Variants in BEND5 observed in about 807,000 individuals in gnomAD.
BEND5 encodes the protein BEN domain containing 5, also known as BEN domain-containing protein 5.
BEND5 carries 22 observed loss-of-function variants against 43.9 expected under a neutral mutation model. That is an observed-to-expected ratio of 0.50 (90% CI 0.36 to 0.72). BEND5 has a LOEUF of 0.72. Ranked by LOEUF, BEND5 falls within the 30% of genes least tolerant of loss-of-function variation. BEND5 has a pLI of 0.00. For synonymous variants in BEND5, 228 were observed against 225.9 expected (o/e 1.01, Z -0.08); for missense variants, 428 against 550.6 (o/e 0.78, Z 2.23).
chr1:48,731,028 C>G (rs1301488791), intron 5 of BEND5, among the ~76,000 whole-genome samples: 2 of 152,078 alleles, frequency 1.3e-5, no homozygotes, highest in African/African-American at 4.8e-5. Flanking sequence ...ATTTTAAAAT[C>G]AAAGAGAAGA....
At chr1:48,730,710 T>C (rs1177257391) in intron 5 of BEND5, among the ~76,000 whole-genome samples, 1 of 152,166 alleles carries the variant, frequency 6.6e-6, no homozygotes, top group African/African-American at 2.4e-5. Flanking sequence ...ACTCTAGATA[T>C]TAATCACCTG....
chr1:48,737,574 C>T (rs1282571278), intron 4 of BEND5, among the ~76,000 whole-genome samples: 1 of 152,162 alleles, frequency 6.6e-6, no homozygotes, highest in East Asian at 1.9e-4. Flanking sequence ...TTAAACACAA[C>T]CACAAGGTAC....
At chr1:48,748,900 A>G (rs963873843) in intron 3 of BEND5, among the ~76,000 whole-genome samples, 1 of 152,138 alleles carries the variant, frequency 6.6e-6, no homozygotes, top group Admixed American at 6.5e-5. Flanking sequence ...GGGCAGAGGC[A>G]GGAGAAAAAA....
At chr1:48,757,348 ATT>A (rs1262534373) in intron 3 of BEND5, among the ~76,000 whole-genome samples, 2 of 152,216 alleles carry the variant, frequency 1.3e-5, no homozygotes, top group Non-Finnish European at 2.9e-5. Context: ...TACATTTATG[ATT>A]TCTCTTTGAG....
At chr1:48,738,830 A>C (rs1480845340) in intron 4 of BEND5, among the ~76,000 whole-genome samples, 1 of 152,118 alleles carries the variant, frequency 6.6e-6, no homozygotes, top group African/African-American at 2.4e-5. Flanking sequence ...GTTCACGTAC[A>C]ATGAACCAGG....
At chr1:48,742,117 T>C (rs1201243721) in intron 4 of BEND5, among the ~76,000 whole-genome samples, 2 of 152,224 alleles carry the variant, frequency 1.3e-5, no homozygotes, top group Non-Finnish European at 2.9e-5. Context: ...TGAAGGAGGC[T>C]TGGGGATAAG....
intron 1 of BEND5, 108 bp from the exon 2 acceptor site, chr1:48,761,578 G>T: frequency 8.5e-7 from 1 of 1,182,334 alleles, no homozygotes; most frequent in Non-Finnish European, 1.2e-6. Flanking sequence ...GGCCAGACCA[G>T]TTAAAAAGGA....
intron 1 of BEND5, among the ~76,000 whole-genome samples, chr1:48,763,464 GTT>G (rs926760456): frequency 2.7e-4 from 41 of 152,020 alleles, no homozygotes; most frequent in African/African-American, 9.7e-4. Flanking sequence ...TTGCAATGGT[GTT>G]TTTTTGTGTG....
intron 3 of BEND5, among the ~76,000 whole-genome samples, chr1:48,752,815 T>A (rs1369709128): frequency 6.6e-6 from 1 of 152,080 alleles, no homozygotes; most frequent in Non-Finnish European, 1.5e-5. Flanking sequence ...AGTGGCATGA[T>A]CTTGGCTCAC....
At position 48,730,695 on chromosome 1, in the gene BEND5, G is replaced by A. The variant is rs11205531; in HGVS notation, c.1109-2652C>T. ...TTCTCAGGTTGATTAAAAGGCTTTC[G>A]TTAGACTCTAGATATTAATCACCTG... On this transcript the variant is annotated intron_variant, in intron 5 of 5. Transcript: ENST00000371833. Among the ~76,000 whole-genome samples the A allele has an allele frequency of 5.0e-3, 766 of 152,240 alleles. 10 individuals carry two copies. Among genetic ancestry groups the A allele is most frequent in the African/African-American group, 0.017 (721 of 41,524 alleles).
chr1:48,737,429 G>A (rs1415036830), intron 4 of BEND5, among the ~76,000 whole-genome samples: 1 of 152,226 alleles, frequency 6.6e-6, no homozygotes. Flanking sequence ...GCTCAAGTAA[G>A]GAGAGCAGCT....
intron 5 of BEND5, among the ~76,000 whole-genome samples, chr1:48,735,923 G>C (rs1015492236): frequency 3.9e-5 from 6 of 152,036 alleles, no homozygotes; most frequent in African/African-American, 1.4e-4. Context: ...AGTGACCCCC[G>C]TCCCCAGGAA....
At chr1:48,763,643 A>C (rs560364298) in intron 1 of BEND5, among the ~76,000 whole-genome samples, 1 of 152,238 alleles carries the variant, frequency 6.6e-6, no homozygotes, top group Admixed American at 6.5e-5. Flanking sequence ...ATTAGAAATG[A>C]CAAGCTATGC....
chr1:48,734,461 T>C (rs1443032937), intron 5 of BEND5, among the ~76,000 whole-genome samples: 1 of 152,154 alleles, frequency 6.6e-6, no homozygotes, highest in Non-Finnish European at 1.5e-5. Flanking sequence ...TCCCATGTGG[T>C]CACTCCATGA....
intron 2 of BEND5, 152 bp downstream of exon 2, chr1:48,761,185 G>T: frequency 2.4e-6 from 2 of 840,854 alleles, no homozygotes; most frequent in Non-Finnish European, 3.6e-6. Flanking sequence ...ATACACACGA[G>T]TTGTCCCACG....
intron 2 of BEND5, chr1:48,760,986 C>T (rs932986929): frequency 1.1e-5 from 2 of 181,388 alleles, no homozygotes; most frequent in African/African-American, 4.7e-5. Context: ...TGGCCCTAAA[C>T]TTCTCCCCAA....
chr1:48,763,505 A>G (rs1644380025), intron 1 of BEND5, among the ~76,000 whole-genome samples: 1 of 152,002 alleles, frequency 6.6e-6, no homozygotes, highest in African/African-American at 2.4e-5. Context: ...AAAAAAACAG[A>G]CAAAAAGAGA....
chr1:48,744,344 T>C (rs1650398574), intron 3 of BEND5, among the ~76,000 whole-genome samples: 2 of 152,242 alleles, frequency 1.3e-5, no homozygotes, highest in African/African-American at 2.4e-5. Flanking sequence ...CTTCTCTCTG[T>C]GTGGGATCAC....
intron 1 of BEND5, among the ~76,000 whole-genome samples, chr1:48,769,557 ACACACACACACAC>A (rs1306460803): frequency 1.7e-4 from 25 of 147,316 alleles, no homozygotes; most frequent in African/African-American, 5.6e-4. Flanking sequence ...ACACACACAC[ACACACACACACAC>A]AAGTTAAATT....
Sources: gnomAD v4.1 joint callset for allele counts (sites outside exome capture counted in the v4.1 genomes callset) on GRCh38, gnomAD v4.1.1 for gene constraint, MANE v1.5 for transcripts, NCBI Gene and HGNC (gene_info 2026-07-23, HGNC 2026-07-21) for gene names.